The following ZFAND3 variants were observed in gnomAD, a reference collection of about 807,000 sequenced individuals.
The protein encoded by ZFAND3 is zinc finger AN1-type containing 3.
Under a neutral mutation model 29.6 loss-of-function variants are expected in ZFAND3, and 10 were observed. The ratio of observed to expected loss-of-function variants is 0.34; its 90% CI spans 0.21 to 0.57. ZFAND3 has a LOEUF of 0.57. Ranked by LOEUF, ZFAND3 falls within the 20% of genes least tolerant of loss-of-function variation. ZFAND3 has a pLI of 0.86. For synonymous variants in ZFAND3, 128 were observed against 112.6 expected (o/e 1.14, Z -0.87); for missense variants, 230 against 304.5 (o/e 0.76, Z 1.82).
intron 1 of ZFAND3, among the ~76,000 whole-genome samples, chr6:37,868,119 T>C (rs1368938739): frequency 6.6e-6 from 1 of 152,252 alleles, no homozygotes. Context: ...AATTCTTAAT[T>C]TGATGAGTTT....
At position 38,065,474 on chromosome 6, in the gene ZFAND3, GATAATA is replaced by G. The variant is rs554959879; in HGVS notation, c.295+3705_295+3710del. On this transcript the variant is annotated intron_variant, in intron 3 of 5. Coordinates refer to ENST00000287218, the MANE Select transcript of ZFAND3 (RefSeq NM_021943.3). ...AAGCCAAAGAACGAATTTCAGTTTAGATAATAATAATGTTAGCTCACATTTATGAAA... is the reference window on the plus strand; with the variant it reads ...AAGCCAAAGAACGAATTTCAGTTTAGATAATGTTAGCTCACATTTATGAAA... 1.2e-4 allele frequency among the ~76,000 whole-genome samples: 18 copies of G among 152,268 alleles called. 1 individual carries two copies. The East Asian group carries it at 3.5e-3, about 29-fold the overall frequency.
chr6:38,124,612 G>A (rs112467138), intron 5 of ZFAND3, among the ~76,000 whole-genome samples: 3 of 152,354 alleles, frequency 2.0e-5, no homozygotes, highest in East Asian at 3.9e-4. Context: ...GCCGCTCCGA[G>A]TGTGGGGCCC....
chr6:37,966,488 T>G (rs1379660353), intron 2 of ZFAND3, among the ~76,000 whole-genome samples: 1 of 152,200 alleles, frequency 6.6e-6, no homozygotes, highest in African/African-American at 2.4e-5. Context: ...ATTAAGCAAC[T>G]TGTCTGAGGC....
intron 1 of ZFAND3, among the ~76,000 whole-genome samples, chr6:37,886,146 G>A (rs909445706): frequency 2.7e-5 from 4 of 149,914 alleles, no homozygotes; most frequent in African/African-American, 9.8e-5. Flanking sequence ...GCTGTGGCAG[G>A]AGAATTGCTT....
intron 1 of ZFAND3, among the ~76,000 whole-genome samples, chr6:37,860,974 A>G (rs1469043291): frequency 6.6e-6 from 1 of 152,136 alleles, no homozygotes; most frequent in East Asian, 1.9e-4. Flanking sequence ...GTTAAATAGC[A>G]TAAGGCCGGG....
intron 2 of ZFAND3, 67 bp downstream of exon 2, chr6:37,930,066 T>G (rs1459253946): frequency 1.4e-6 from 2 of 1,434,890 alleles, no homozygotes; most frequent in Non-Finnish European, 9.4e-7. Flanking sequence ...TTTGGTTCTT[T>G]TTAAGACTAA....
At chr6:37,877,613 T>C (rs1238750465) in intron 1 of ZFAND3, among the ~76,000 whole-genome samples, 1 of 152,220 alleles carries the variant, frequency 6.6e-6, no homozygotes, top group African/African-American at 2.4e-5. Flanking sequence ...TGGTTTCACT[T>C]ACTGAGGTGG....
At chr6:37,983,105 T>TC (rs1203571148) in intron 2 of ZFAND3, among the ~76,000 whole-genome samples, 2 of 152,002 alleles carry the variant, frequency 1.3e-5, no homozygotes, top group Non-Finnish European at 2.9e-5. Context: ...TACAAAAGAG[T>TC]CCAAGGTTTT....
intron 5 of ZFAND3, among the ~76,000 whole-genome samples, chr6:38,124,163 C>T (rs936896385): frequency 6.6e-6 from 1 of 152,206 alleles, no homozygotes; most frequent in African/African-American, 2.4e-5. Flanking sequence ...ATTTACAAAC[C>T]TTGAACTAGA....
At chr6:37,876,058 A>C (rs770700557) in intron 1 of ZFAND3, among the ~76,000 whole-genome samples, 6 of 152,130 alleles carry the variant, frequency 3.9e-5, no homozygotes, top group Non-Finnish European at 7.4e-5. Flanking sequence ...GTTCTTTGCA[A>C]GGTTTAATTT....
chr6:37,861,708 C>T (rs1260537468), intron 1 of ZFAND3, among the ~76,000 whole-genome samples: 1 of 152,166 alleles, frequency 6.6e-6, no homozygotes, highest in African/African-American at 2.4e-5. Flanking sequence ...GCTCCTCTAG[C>T]AATAACTTCA....
At chr6:37,906,933 T>C (rs1765418968) in intron 1 of ZFAND3, among the ~76,000 whole-genome samples, 4 of 152,260 alleles carry the variant, frequency 2.6e-5, no homozygotes, top group Admixed American at 2.0e-4. Context: ...TATTCTTCTC[T>C]AGGGAGCTTA....
chr6:37,985,531 C>CCCCA lies in ZFAND3; in HGVS notation c.112+55533_112+55534insCCAC, dbSNP rs755627119. Among the ~76,000 whole-genome samples, 15 of 109,028 alleles carry CCCCA rather than the reference C, an allele frequency of 1.4e-4. No individual in the cohort carries two copies. In the Admixed American group the frequency reaches 1.4e-3, roughly 10 times the overall value. The allele number at this position is 109,028 out of a possible 152,430, so 71.5% of individuals were successfully genotyped here. On this transcript the variant is annotated intron_variant, in intron 2 of 5. Coordinates refer to ENST00000287218, the MANE Select transcript of ZFAND3 (RefSeq NM_021943.3). The stretch of plus-strand genomic sequence containing the variant: ...CACACACACACACACACACACACCC[C>CCCCA]CACACACGCCTGGTGGCACGTGCTT...
chr6:38,135,875 G>A (rs570801191), intron 5 of ZFAND3, among the ~76,000 whole-genome samples: 1 of 152,180 alleles, frequency 6.6e-6, no homozygotes, highest in Non-Finnish European at 1.5e-5. Context: ...CCTTGAGCCT[G>A]CAGTCCAGAA....
intron 1 of ZFAND3, among the ~76,000 whole-genome samples, chr6:37,895,459 C>CTTTTTT (rs11331881): frequency 0.016 from 1,220 of 76,408 alleles, no homozygotes; most frequent in Non-Finnish European, 0.018. Flanking sequence ...CTCAGAGGTT[C>CTTTTTT]TTTTTTTTTT....
intron 1 of ZFAND3, among the ~76,000 whole-genome samples, chr6:37,867,894 A>G (rs1764617634): frequency 1.3e-5 from 2 of 152,334 alleles, no homozygotes; most frequent in South Asian, 4.1e-4. Context: ...ACTTGAGTAT[A>G]TGATTTAATA....
intron 4 of ZFAND3, among the ~76,000 whole-genome samples, chr6:38,095,197 T>C (rs1299834004): frequency 6.6e-6 from 1 of 152,220 alleles, no homozygotes; most frequent in African/African-American, 2.4e-5. Context: ...AAACAGTTAA[T>C]GGTGAACTAT....
At chr6:38,096,260 C>T (rs1011397721) in intron 4 of ZFAND3, among the ~76,000 whole-genome samples, 2 of 151,756 alleles carry the variant, frequency 1.3e-5, no homozygotes, top group African/African-American at 4.8e-5. Flanking sequence ...GCAACCTCCG[C>T]CTCTCGGGTT....
intron 1 of ZFAND3, among the ~76,000 whole-genome samples, chr6:37,866,779 A>C (rs901870341): frequency 4.6e-5 from 7 of 152,228 alleles, no homozygotes; most frequent in Non-Finnish European, 1.0e-4. Flanking sequence ...TTTTTACTTC[A>C]ATCACTGTAA....
Sources: gnomAD v4.1 joint callset for allele counts (sites outside exome capture counted in the v4.1 genomes callset) on GRCh38, gnomAD v4.1.1 for gene constraint, MANE v1.5 for transcripts, NCBI Gene and HGNC (gene_info 2026-07-23, HGNC 2026-07-21) for gene names.